NME7: variants seen among roughly 807,000 people sequenced by gnomAD.
NME7 encodes nucleoside diphosphate kinase 7.
In NME7, 41 loss-of-function variants were observed where a neutral mutation model predicts 49.1. The ratio of observed to expected loss-of-function variants is 0.83; its 90% CI spans 0.65 to 1.08. NME7 has a LOEUF of 1.08. NME7 is among the 50% of genes least tolerant of loss of function. The pLI is 0.00. For missense variants in NME7, 423 were observed against 463.4 expected (o/e 0.91, Z 0.80); for synonymous variants, 139 against 150.6 (o/e 0.92, Z 0.56).
intron 1 of NME7, among the ~76,000 whole-genome samples, chr1:169,342,044 G>A (rs1652726679): frequency 1.3e-5 from 2 of 152,140 alleles, no homozygotes. Context: ...AGGCATGATT[G>A]GTTTTGAAAT....
chr1:169,357,385 T>G (rs1323395735), intron 1 of NME7, among the ~76,000 whole-genome samples: 1 of 152,066 alleles, frequency 6.6e-6, no homozygotes, highest in African/African-American at 2.4e-5. Flanking sequence ...TATCTGAATA[T>G]AAATGCTTAT....
intron 10 of NME7, among the ~76,000 whole-genome samples, chr1:169,228,683 C>CAAAAAAA (rs747705690): frequency 4.4e-5 from 4 of 90,424 alleles, no homozygotes; most frequent in Non-Finnish European, 8.3e-5. Flanking sequence ...GACTCCGTCT[C>CAAAAAAA]AAAAAAAAAA....
chr1:169,346,668 C>T (rs180706942), intron 1 of NME7, among the ~76,000 whole-genome samples: 20 of 152,326 alleles, frequency 1.3e-4, no homozygotes, highest in Admixed American at 4.6e-4. Flanking sequence ...TTGCTTATTG[C>T]ATATCTGCCC....
intron 10 of NME7, among the ~76,000 whole-genome samples, chr1:169,179,614 A>G (rs1659867137): frequency 6.6e-6 from 1 of 152,246 alleles, no homozygotes; most frequent in South Asian, 2.1e-4. Context: ...ACCATGGAAT[A>G]CTATGCAGCC....
intron 11 of NME7, among the ~76,000 whole-genome samples, chr1:169,164,667 G>A (rs1020999404): frequency 1.3e-5 from 2 of 152,168 alleles, no homozygotes; most frequent in South Asian, 2.1e-4. Flanking sequence ...TTTCTTAGAG[G>A]AGGTAAGGTG....
intron 7 of NME7, among the ~76,000 whole-genome samples, chr1:169,281,484 AC>A (rs1650010610): frequency 6.6e-6 from 1 of 152,186 alleles, no homozygotes; most frequent in Non-Finnish European, 1.5e-5. Context: ...AACATCCAAT[AC>A]TATGTTGAAC....
intron 1 of NME7, among the ~76,000 whole-genome samples, chr1:169,360,178 T>G (rs1653606193): frequency 6.6e-6 from 1 of 152,314 alleles, no homozygotes; most frequent in East Asian, 1.9e-4. Flanking sequence ...TATGTAGCTC[T>G]GCTCGCCACA....
At chr1:169,212,006 G>C (rs1440867811) in intron 10 of NME7, among the ~76,000 whole-genome samples, 1 of 152,044 alleles carries the variant, frequency 6.6e-6, no homozygotes, top group Non-Finnish European at 1.5e-5. Flanking sequence ...TATTCACAGA[G>C]AGAGTAATTA....
At chr1:169,151,554 G>C (rs541817725) in intron 11 of NME7, among the ~76,000 whole-genome samples, 1 of 152,132 alleles carries the variant, frequency 6.6e-6, no homozygotes, top group African/African-American at 2.4e-5. Flanking sequence ...GCAGGAGGCT[G>C]GAAGAGATGA....
intron 3 of NME7, among the ~76,000 whole-genome samples, chr1:169,316,794 T>C (rs546983651): frequency 6.6e-6 from 1 of 152,256 alleles, no homozygotes; most frequent in African/African-American, 2.4e-5. Flanking sequence ...TCAAGAGAAA[T>C]GCAGTCTTAT....
At chr1:169,313,390 T>G (rs368425238) in intron 3 of NME7, among the ~76,000 whole-genome samples, 2 of 152,082 alleles carry the variant, frequency 1.3e-5, no homozygotes, top group African/African-American at 2.4e-5. Flanking sequence ...CCACCCCCGC[T>G]TAAGGTGAAT....
chr1:169,215,064 G>C (rs1660937988), intron 10 of NME7, among the ~76,000 whole-genome samples: 1 of 152,228 alleles, frequency 6.6e-6, no homozygotes, highest in South Asian at 2.1e-4. Flanking sequence ...ATGAATTGAA[G>C]GATGGTGAAT....
intron 11 of NME7, among the ~76,000 whole-genome samples, chr1:169,138,657 T>C (rs1023544078): frequency 1.1e-4 from 16 of 152,132 alleles, no homozygotes; most frequent in African/African-American, 3.9e-4. Flanking sequence ...AAGTCGAGGA[T>C]GTAATGAGCT....
intron 10 of NME7, among the ~76,000 whole-genome samples, chr1:169,203,737 GTTTTT>G (rs1446114677): frequency 1.3e-5 from 2 of 152,148 alleles, no homozygotes; most frequent in African/African-American, 4.8e-5. Context: ...AGTGGAGCAA[GTTTTT>G]CAAAATGGCT....
chr1:169,328,902 A>G (rs1028882411), intron 1 of NME7, among the ~76,000 whole-genome samples: 3 of 152,202 alleles, frequency 2.0e-5, no homozygotes, highest in African/African-American at 7.2e-5. Flanking sequence ...AATACATGTA[A>G]AGCCTTCCTA....
chr1:169,346,483 C>G (rs1261994299), intron 1 of NME7, among the ~76,000 whole-genome samples: 3 of 152,194 alleles, frequency 2.0e-5, no homozygotes, highest in Non-Finnish European at 2.9e-5. Flanking sequence ...TTTTCTCACC[C>G]TCAAGACTTT....
intron 7 of NME7, among the ~76,000 whole-genome samples, chr1:169,283,656 C>T (rs963257799): frequency 6.4e-4 from 97 of 152,280 alleles, no homozygotes; most frequent in African/African-American, 2.3e-3. Context: ...GACAAATTCC[C>T]TCAGCATTTG....
rs1302197872 is a variant in NME7 at position 169,290,867 on chromosome 1, G to T, written c.649-3459C>A. ...AAAAAGTGGGCAAAGTATATGAACAGACACTTCTCAAATGAAGACATTTAT... is the reference window on the plus strand; with the variant it reads ...AAAAAGTGGGCAAAGTATATGAACATACACTTCTCAAATGAAGACATTTAT... On this transcript the variant is annotated intron_variant, in intron 6 of 11. Coordinates refer to ENST00000367811, the MANE Select transcript of NME7 (RefSeq NM_013330.5). 2.0e-5 allele frequency among the ~76,000 whole-genome samples: 3 copies of T among 152,084 alleles called. No individual in the cohort carries two copies. The East Asian group carries it at 5.8e-4, about 29-fold the overall frequency.
intron 1 of NME7, among the ~76,000 whole-genome samples, chr1:169,353,755 G>A (rs112534219): frequency 0.058 from 8,797 of 151,964 alleles, 326 homozygotes; most frequent in East Asian, 0.12. Context: ...CTCAATATAC[G>A]TTTCTCAAAA....
Sources: allele counts gnomAD v4.1 joint callset (sites outside exome capture counted in the v4.1 genomes callset), GRCh38; gene constraint gnomAD v4.1.1; transcripts MANE v1.5; gene names NCBI Gene and HGNC (gene_info 2026-07-23, HGNC 2026-07-21).